RAD17: variants seen among roughly 807,000 people sequenced by gnomAD.
RAD17 encodes the protein cell cycle checkpoint protein RAD17.
In RAD17, 31 loss-of-function variants were observed where a neutral mutation model predicts 81.5. The observed-to-expected ratio is 0.38, with a 90% confidence interval of 0.29 to 0.51. The LOEUF is 0.51. RAD17 is among the 20% of genes least tolerant of loss of function. The pLI is 0.88. For synonymous variants in RAD17, 261 were observed against 266.2 expected (o/e 0.98, Z 0.19); for missense variants, 681 against 781.2 (o/e 0.87, Z 1.53).
chr5:69,406,517 T>C (rs1340144154), intron 17 of RAD17, among the ~76,000 whole-genome samples: 1 of 152,128 alleles, frequency 6.6e-6, no homozygotes, highest in African/African-American at 2.4e-5. Flanking sequence ...GTTTCTTTTT[T>C]TGAGTCAGAG....
chr5:69,370,595 T>TC (rs1473501821), intron 1 of RAD17: 1 of 152,150 alleles, frequency 6.6e-6, no homozygotes, highest in African/African-American at 2.4e-5. Context: ...GCCCGCCTCG[T>TC]CCTCCCACGG....
intron 6 of RAD17, among the ~76,000 whole-genome samples, chr5:69,377,838 C>A (rs1484765946): frequency 6.6e-6 from 1 of 151,576 alleles, no homozygotes; most frequent in Non-Finnish European, 1.5e-5. Context: ...GTTGCCTACA[C>A]TGGATTGCAG....
At chr5:69,374,141 G>A (rs1763194402) in intron 5 of RAD17, 54 bp downstream of exon 5, 1 of 1,419,594 alleles carries the variant, frequency 7.0e-7, no homozygotes, top group Non-Finnish European at 9.6e-7. Flanking sequence ...GGTGCATAAG[G>A]GTAGATGGGA....
chr5:69,412,280 A>G (rs551076554), intron 18 of RAD17, among the ~76,000 whole-genome samples: 46 of 152,232 alleles, frequency 3.0e-4, no homozygotes, highest in African/African-American at 1.1e-3. Flanking sequence ...TTTCAGTGCT[A>G]TATATTACAA....
In RAD17 at chr5:69,381,337, C is replaced by T. The variant is rs188311493; in HGVS notation, c.352-564C>T. Among the ~76,000 whole-genome samples, 315 of 151,856 alleles carry T rather than the reference C, an allele frequency of 2.1e-3. 2 individuals are homozygous for T. Among genetic ancestry groups the T allele is most frequent in the African/African-American group, 7.0e-3 (291 of 41,412 alleles). On this transcript the variant is annotated intron_variant, in intron 6 of 18. Transcript: ENST00000354868. ...CTACTAAAAATACAAAAAAATTAGCCGGGCGTGGTGGCGGGCGCCTGTAGT... is the reference window on the plus strand; with the variant it reads ...CTACTAAAAATACAAAAAAATTAGCTGGGCGTGGTGGCGGGCGCCTGTAGT...
intron 15 of RAD17, among the ~76,000 whole-genome samples, chr5:69,393,908 GT>G (rs34500104): frequency 0.32 from 23,076 of 72,012 alleles, 2,346 homozygotes; most frequent in Middle Eastern, 0.43. Flanking sequence ...TGTTATGGTG[GT>G]TTTTTTTTTT....
At chr5:69,378,435 G>A (rs1763644806) in intron 6 of RAD17, among the ~76,000 whole-genome samples, 1 of 152,096 alleles carries the variant, frequency 6.6e-6, no homozygotes, top group African/African-American at 2.4e-5. Flanking sequence ...TCAGAAAACA[G>A]GCACTTAAGT....
Position 69,396,464 on chromosome 5 carries a change from C to A in RAD17, c.1490C>A (p.Ala497Asp). Reference protein sequence around the residue: ...ATRGVMHSNKARGYAHCQGGG... With the variant: ...ATRGVMHSNKDRGYAHCQGGG... ...AGAGGTGTGATGCATTCCAACAAAGCCCGAGGATATGCTCATTGCCAAGGA... is the reference window on the plus strand; with the variant it reads ...AGAGGTGTGATGCATTCCAACAAAGACCGAGGATATGCTCATTGCCAAGGA... The change falls in exon 16 of 19, where the codon GCC becomes GAC. Residue 497 changes from alanine to aspartate, a missense_variant. Coordinates refer to ENST00000354868, the MANE Select transcript of RAD17 (RefSeq NM_133338.3). The A allele has an allele frequency of 6.2e-7, 1 of 1,613,460 alleles. No individual in the cohort carries two copies. The highest frequency in any genetic ancestry group is 8.5e-7 in the Non-Finnish European group (1 of 1,179,800).
intron 17 of RAD17, among the ~76,000 whole-genome samples, chr5:69,408,506 CTT>C (rs913594965): frequency 1.4e-4 from 12 of 88,452 alleles, no homozygotes; most frequent in South Asian, 4.4e-4. Context: ...ACCCTAATTA[CTT>C]TTTTTTTTTT....
chr5:69,398,811 G>GA (rs199980093), intron 16 of RAD17, among the ~76,000 whole-genome samples: 47 of 67,388 alleles, frequency 7.0e-4, no homozygotes, highest in East Asian at 1.6e-3. Flanking sequence ...GTCTCAGAAA[G>GA]AAAAAAAAAA....
intron 3 of RAD17, among the ~76,000 whole-genome samples, chr5:69,371,823 T>C (rs746913101): frequency 1.6e-4 from 25 of 152,084 alleles, no homozygotes; most frequent in Non-Finnish European, 3.7e-4. Flanking sequence ...ATATGAGTGG[T>C]AGTTGGTGTT....
chr5:69,394,187 A>T (rs1056919911), intron 15 of RAD17, among the ~76,000 whole-genome samples: 1 of 149,768 alleles, frequency 6.7e-6, no homozygotes, highest in Non-Finnish European at 1.5e-5. Context: ...CTCCCCATCT[A>T]GTAGCTGGGA....
At chr5:69,374,174 G>T in intron 5 of RAD17, 87 bp downstream of exon 5, 2 of 1,170,864 alleles carry the variant, frequency 1.7e-6, no homozygotes, top group South Asian at 1.5e-5. Context: ...TACATTTTCA[G>T]ATTTTTTACT....
rs1210968240 is a variant in RAD17 at position 69,384,903 on chromosome 5, G to T, written c.615G>T (p.Leu205=). 1.9e-6 allele frequency: 3 copies of T among 1,607,896 alleles called. No individual in the cohort carries two copies. The African/African-American group carries it at 4.0e-5, about 22-fold the overall frequency. ...YNKLQMLGDD[L]RTDKKIILVE... is the part of the protein sequence containing the mutation. ...AGTTACAAATGCTTGGAGATGATCT[G>T]AGAACTGATAAGAAGATAATTCTGG... Residue 205 remains leucine, a synonymous_variant, in exon 8 of 19, where the codon CTG becomes CTT. Coordinates refer to ENST00000354868, the MANE Select transcript of RAD17 (RefSeq NM_133338.3).
upstream of RAD17, chr5:69,369,489 A>G (rs1229650018): frequency 3.1e-6 from 5 of 1,611,476 alleles, no homozygotes; most frequent in East Asian, 2.2e-5. Flanking sequence ...CGGAAGCAAC[A>G]TGGTCCCCGC....
chr5:69,410,409 G>A, intron 17 of RAD17, 84 bp from the exon 18 acceptor site: 1 of 1,033,048 alleles, frequency 9.7e-7, no homozygotes, highest in Non-Finnish European at 1.5e-6. Context: ...GATTAGTGAT[G>A]TTCAGCATCT....
rs1476189797 is a variant in RAD17 at position 69,372,205 on chromosome 5, C to T, written c.-4C>T. On this transcript the variant is annotated 5_prime_UTR_variant, in exon 4 of 19. In the 5' UTR this introduces an upstream ATG that the reference lacks. Transcript: ENST00000354868. ...ACCAGTCACAATCTTTTGATGAGGA[C>T]GAAATGAATCAGGTAGCTATGACTA... The T allele has an allele frequency of 4.4e-6, 7 of 1,606,834 alleles. No individual in the cohort carries two copies. The highest frequency in any genetic ancestry group is 1.1e-5 in the South Asian group (1 of 90,646).
intron 2 of RAD17, 88 bp downstream of exon 2, chr5:69,371,259 G>C (rs1013711471): frequency 1.8e-6 from 1 of 551,492 alleles, no homozygotes; most frequent in African/African-American, 1.9e-5. Flanking sequence ...ACCACAAGTA[G>C]ATTATTTGAT....
chr5:69,392,886 GA>G, intron 13 of RAD17: 22 of 476,696 alleles, frequency 4.6e-5, no homozygotes, highest in East Asian at 9.5e-5. Context: ...ACCCAAAGCT[GA>G]AAAAGGTGAA....
Sources: gnomAD v4.1 joint callset for allele counts (sites outside exome capture counted in the v4.1 genomes callset) on GRCh38, gnomAD v4.1.1 for gene constraint, MANE v1.5 for transcripts, NCBI Gene and HGNC (gene_info 2026-07-23, HGNC 2026-07-21) for gene names.